The following CRELD2 variants were observed in gnomAD, a reference collection of about 807,000 sequenced individuals.
The protein encoded by CRELD2 is CRELD disulfide isomerase 2.
CRELD2 carries 33 observed loss-of-function variants against 48.1 expected under a neutral mutation model. That is an observed-to-expected ratio of 0.69 (90% CI 0.52 to 0.92). The LOEUF (loss-of-function observed/expected upper bound fraction) is 0.92. Ranked by LOEUF, CRELD2 falls within the 40% of genes least tolerant of loss-of-function variation. CRELD2 has a pLI of 0.00. For synonymous variants in CRELD2, 220 were observed against 203.9 expected (o/e 1.08, Z -0.67); for missense variants, 477 against 482.4 (o/e 0.99, Z 0.10).
In CRELD2 at chr22:49,919,233, ATGG is replaced by A. The variant is rs1250030710; in HGVS notation, c.137_139del (p.Val46del). 1.9e-6 allele frequency: 3 copies of A among 1,613,506 alleles called. No individual in the cohort carries two copies. Among genetic ancestry groups the A allele is most frequent in the Admixed American group, 1.7e-5 (1 of 60,018 alleles). ...TATGGGCACTGTCTCCTCGCAGGGG[ATGG>A]TGGACACCGCAAAGAAGAACTTTGG... On this transcript the variant is annotated inframe_deletion, in exon 2 of 10. Coordinates refer to ENST00000328268, the MANE Select transcript of CRELD2 (RefSeq NM_024324.5).
intron 2 of CRELD2, among the ~76,000 whole-genome samples, 160 bp from the exon 3 acceptor site, chr22:49,919,570 G>A (rs1254397756): frequency 1.3e-5 from 2 of 151,472 alleles, no homozygotes; most frequent in Non-Finnish European, 2.9e-5. Flanking sequence ...CCCCACTTGT[G>A]GGAACCGCTC....
chr22:49,918,967 CCCCACCTTGGGCCCAGGGTCG>C (rs2060644742), intron 1 of CRELD2, 69 bp downstream of exon 1: 3 of 1,264,082 alleles, frequency 2.4e-6, no homozygotes, highest in Middle Eastern at 2.8e-4. Flanking sequence ...TCCGGGGTCG[CCCCACCTTGGGCCCAGGGTCG>C]CCCTCACCCT....
chr22:49,925,616 C>T (rs776766980), intron 9 of CRELD2, 59 bp downstream of exon 9: 41 of 1,601,422 alleles, frequency 2.6e-5, no homozygotes, highest in African/African-American at 6.7e-5. Context: ...AGGGCTTGCA[C>T]GTAGACTGGC....
Position 49,919,105 on chromosome 22 carries a change from C to T in CRELD2, c.130-125C>T, listed in dbSNP as rs2060648157. 5.7e-6 allele frequency: 6 copies of T among 1,051,570 alleles called. No individual in the cohort carries two copies. The Admixed American group carries it at 7.3e-5, about 13-fold the overall frequency. 65.1% of individuals were successfully genotyped at this position (1,051,570 alleles called of 1,614,324 possible). ...CCCTCACCCTTGACCCGGATCCACC[C>T]CCACCGTGGAACCAGGGTCGACGCC... On this transcript the variant is annotated intron_variant, in intron 1 of 9. Transcript: ENST00000328268.
chr22:49,918,669 C>T lies in CRELD2; in HGVS notation c.-101C>T, dbSNP rs532042206. 5.0e-6 allele frequency: 2 copies of T among 397,684 alleles called. No individual in the cohort carries two copies. Among genetic ancestry groups the T allele is most frequent in the Non-Finnish European group, 4.2e-6 (1 of 236,494 alleles). The allele number at this position is 397,684 out of a possible 1,614,324, so 24.6% of individuals were successfully genotyped here. The stretch of plus-strand genomic sequence containing the variant: ...CGGCGCCGTCAAGTAGCCTGGGGGA[C>T]AGGCCGGCGCGGCTGGGAGCGGGTG... On this transcript the variant is annotated 5_prime_UTR_variant, in exon 1 of 10. Transcript: ENST00000328268.
intron 7 of CRELD2, 39 bp downstream of exon 7, chr22:49,923,356 G>C: frequency 7.1e-7 from 1 of 1,398,840 alleles, no homozygotes; most frequent in Non-Finnish European, 9.8e-7. Flanking sequence ...GGGGCCTGCC[G>C]GGTTTCGTTG....
In CRELD2 at chr22:49,927,280, A is replaced by C; in HGVS notation, c.1035A>C (p.Thr345=). 6.2e-7 allele frequency: 1 copy of C among 1,612,452 alleles called. No homozygotes were observed. Among genetic ancestry groups the C allele is most frequent in the African/African-American group, 1.3e-5 (1 of 74,984 alleles). The part of the protein sequence containing the change: ...EAEATEGESP[T]QLPSREDL ...AAGCCACAGAAGGAGAAAGCCCGAC[A>C]CAGCTGCCCTCCCGCGAAGACCTGT... Residue 345 remains threonine (T), a synonymous_variant, in exon 10 of 10, where the codon ACA becomes ACC. Transcript: ENST00000328268.
At position 49,925,539 on chromosome 22, in the gene CRELD2, G is replaced by A. The variant is rs375257920; in HGVS notation, c.991G>A (p.Val331Met). 6 of 1,613,660 alleles carry A rather than the reference G, an allele frequency of 3.7e-6. No homozygotes were observed. The highest frequency in any genetic ancestry group is 5.1e-6 in the Non-Finnish European group (6 of 1,180,024). ...CTTCGAAGAAACGGAAGATGCCTGT[G>A]TGCCGCCGGCAGAGGCTGGTGAGTG... is the stretch of plus-strand genomic sequence containing the variant. ...DGFEETEDAC[V>M]PPAEAEATEG... Residue 331 changes from valine (V) to methionine (M), a missense_variant, in exon 9 of 10, where the codon GTG becomes ATG. By Grantham distance (21) the Val-to-Met change is conservative. Coordinates refer to ENST00000328268, the MANE Select transcript of CRELD2 (RefSeq NM_024324.5).
chr22:49,927,418 T>TA lies in CRELD2; in HGVS notation c.*113dup, dbSNP rs2060780415. Reference sequence around the variant, plus strand: ...CGGCGGGGAGAGGCTGCCTGCTCTCTAACGGTTGATTCTCATTTGTCCCTT... The same window carrying TA: ...CGGCGGGGAGAGGCTGCCTGCTCTCTAAACGGTTGATTCTCATTTGTCCCTT... On this transcript the variant is annotated 3_prime_UTR_variant, in exon 10 of 10. Transcript: ENST00000328268. 1.2e-6 allele frequency: 1 copy of TA among 817,262 alleles called. No individual in the cohort carries two copies. Among genetic ancestry groups the TA allele is most frequent in the South Asian group, 1.4e-5 (1 of 71,846 alleles). 50.6% of individuals were successfully genotyped at this position (817,262 alleles called of 1,614,324 possible).
Position 49,922,682 on chromosome 22 carries a change from G to T in CRELD2, c.663G>T (p.Trp221Cys), listed in dbSNP as rs1185657297. 6.4e-7 allele frequency: 1 copy of T among 1,556,282 alleles called. No individual in the cohort carries two copies. The highest frequency in any genetic ancestry group is 8.7e-7 in the Non-Finnish European group (1 of 1,152,526). Residue 221 changes from tryptophan (W) to cysteine (C), a missense_variant, in exon 6 of 10, where the codon TGG becomes TGT. Trp to Cys is a radical substitution (Grantham distance 215). Transcript: ENST00000328268. ...ACTGCGGCGAGTGTGAAGTGGGCTG[G>T]GTGCTGGACGAGGGCGCCTGTGTGG... ...NRDCGECEVG[W>C]VLDEGACVDV... is the part of the protein sequence containing the mutation.
In CRELD2 at chr22:49,922,637, C is replaced by T. The variant is rs1323291807; in HGVS notation, c.618C>T (p.Cys206=). 14 of 1,568,686 alleles carry T rather than the reference C, an allele frequency of 8.9e-6. No individual in the cohort carries two copies. The highest frequency in any genetic ancestry group is 1.1e-5 in the Non-Finnish European group (13 of 1,156,504). ...CTACDESCKT[C]SGLTNRDCGE... is the part of the protein sequence containing the mutation. ...CCTGTGACGAGTCCTGCAAGACGTG[C>T]TCGGGCCTGACCAACAGAGACTGCG... Residue 206 remains cysteine (C), a synonymous_variant, in exon 6 of 10, where the codon TGC becomes TGT. Coordinates refer to ENST00000328268, the MANE Select transcript of CRELD2 (RefSeq NM_024324.5).
intron 5 of CRELD2, 34 bp from the exon 6 acceptor site, chr22:49,922,578 G>A: frequency 6.6e-7 from 1 of 1,505,380 alleles, no homozygotes; most frequent in Non-Finnish European, 9.0e-7. Context: ...ACCTGAGAGT[G>A]GGGTTTGTAC....
chr22:49,925,775 G>A (rs907083564), intron 9 of CRELD2: 48 of 1,385,282 alleles, frequency 3.5e-5, no homozygotes, highest in South Asian at 4.8e-5. Context: ...CAGCTCAAAC[G>A]GAAGTTCAGG....
chr22:49,921,621 A>G lies in CRELD2; in HGVS notation c.452A>G (p.Asn151Ser). The change falls in exon 5 of 10, where the codon AAT becomes AGT. Residue 151 changes from asparagine to serine, a missense_variant. By Grantham distance (46) the Asn-to-Ser change is conservative. Coordinates refer to ENST00000328268, the MANE Select transcript of CRELD2 (RefSeq NM_024324.5). Reference sequence around the variant, plus strand: ...GGATCCCAGAGGCCCTGCAGCGGGAATGGCCACTGCAGCGGAGATGGGAGC... The same window carrying G: ...GGATCCCAGAGGCCCTGCAGCGGGAGTGGCCACTGCAGCGGAGATGGGAGC... ...QGGSQRPCSG[N>S]GHCSGDGSRQ... 1 of 1,612,694 alleles carries G rather than the reference A, an allele frequency of 6.2e-7. No homozygotes were observed. Among genetic ancestry groups the G allele is most frequent in the Non-Finnish European group, 8.5e-7 (1 of 1,179,864 alleles).
intron 5 of CRELD2, chr22:49,922,394 C>T (rs766935362): frequency 1.9e-5 from 31 of 1,609,912 alleles, no homozygotes; most frequent in Non-Finnish European, 2.5e-5. Flanking sequence ...GGAACACGCA[C>T]ACCCAGCCAG....
rs762072106 is a variant in CRELD2, at chr22:49,923,225, C to T, written c.689-9C>T. 2.6e-6 allele frequency: 4 copies of T among 1,564,894 alleles called. No individual in the cohort carries two copies. The Admixed American group carries it at 7.2e-5, about 28-fold the overall frequency. Reference sequence around the variant, plus strand: ...CTGGGCCGCTCACAGCTGTGCCGCTCTGTTCCAGATGTGGACGAGTGTGCG... The same window carrying T: ...CTGGGCCGCTCACAGCTGTGCCGCTTTGTTCCAGATGTGGACGAGTGTGCG... On this transcript the variant is annotated splice_polypyrimidine_tract_variant and intron_variant, in intron 6 of 9. Transcript: ENST00000328268.
chr22:49,920,747 G>A (rs767270165), intron 4 of CRELD2, among the ~76,000 whole-genome samples: 13 of 152,208 alleles, frequency 8.5e-5, no homozygotes, highest in Admixed American at 2.0e-4. Context: ...CTGAAGTCAC[G>A]GTTTACTGTT....
chr22:49,921,904 G>C, intron 5 of CRELD2, 143 bp downstream of exon 5: 1 of 812,310 alleles, frequency 1.2e-6, no homozygotes, highest in Non-Finnish European at 1.9e-6. Context: ...CCAGAAGGAT[G>C]AATGAAAACA....
intron 2 of CRELD2, 90 bp downstream of exon 2, chr22:49,919,402 G>A: frequency 8.3e-7 from 1 of 1,209,620 alleles, no homozygotes; most frequent in Non-Finnish European, 1.2e-6. Flanking sequence ...TAATGACAGG[G>A]AGACAGAACA....
Sources: allele counts gnomAD v4.1 joint callset (sites outside exome capture counted in the v4.1 genomes callset), GRCh38; gene constraint gnomAD v4.1.1; transcripts MANE v1.5; gene names NCBI Gene and HGNC (gene_info 2026-07-23, HGNC 2026-07-21).